Variants in SNX32 observed in about 807,000 individuals in gnomAD.
SNX32 encodes the protein sorting nexin 32, also known as sorting nexin-32.
SNX32 carries 58 observed loss-of-function variants against 57.0 expected under a neutral mutation model. The observed-to-expected ratio is 1.02, with a 90% CI of 0.82 to 1.27. The LOEUF (loss-of-function observed/expected upper bound fraction) is 1.27, where lower values mean the gene tolerates loss of function less well. SNX32 is among the 50% of genes most tolerant of loss of function. The pLI is 0.00. For synonymous variants in SNX32, 262 were observed against 220.4 expected, an observed-to-expected ratio of 1.19 and a Z score of -1.67; for missense variants, 589 against 541.2, an observed-to-expected ratio of 1.09 and a Z score of -0.88.
chr11:65,850,787 G>A lies in SNX32; in HGVS notation c.535G>A (p.Gly179Arg), dbSNP rs200684568. 1.1e-4 allele frequency: 173 copies of A among 1,614,108 alleles called. No homozygotes were observed. The East Asian group carries it at 3.3e-3, about 30-fold the overall frequency. ...GGGGAAGAACAGGAAGGAGCTCCTC[G>A]GAGGGTTTCTGAGGAATATTGTGAA... is the stretch of plus-strand genomic sequence containing the variant. ...VRGKNRKELL[G>R]GFLRNIVKSA... Residue 179 changes from glycine to arginine, a missense_variant, in exon 6 of 13, where the codon GGA (glycine) becomes AGA (arginine). By Grantham distance (125) the Gly-to-Arg change is moderately radical (BLOSUM62 -2). Coordinates refer to ENST00000308342, the MANE Select transcript of SNX32 (RefSeq NM_152760.3).
Position 65,851,581 on chromosome 11 carries a change from G to C in SNX32, c.786-59G>C, listed in dbSNP as rs111722827. 68 of 1,594,804 alleles carry C rather than the reference G, an allele frequency of 4.3e-5. 2 individuals are homozygous for C. In the African/African-American group the frequency reaches 6.8e-4, roughly 16 times the overall value. ...AGATTCCCAAGGAGAGGCTGAGACA[G>C]AGAGGCTTTGAGCTGTTCCTCAGCC... On this transcript the variant is annotated intron_variant, in intron 8 of 12. Transcript: ENST00000308342.
intron 2 of SNX32, 133 bp from the exon 3 acceptor site, chr11:65,849,787 A>G (rs1859109583): frequency 1.3e-6 from 1 of 792,774 alleles, no homozygotes; most frequent in Non-Finnish European, 2.0e-6. Flanking sequence ...TCTAAATGAA[A>G]TCATGCACAC....
intron 1 of SNX32, among the ~76,000 whole-genome samples, chr11:65,839,557 C>T (rs1257096540): frequency 1.3e-5 from 2 of 150,436 alleles, no homozygotes; most frequent in Non-Finnish European, 1.5e-5. Context: ...GTTGGCCAGG[C>T]TGGTCTTGAA....
chr11:65,853,224 A>G (rs1003940034), intron 12 of SNX32, 58 bp from the exon 13 acceptor site: 1 of 1,612,334 alleles, frequency 6.2e-7, no homozygotes, highest in African/African-American at 1.3e-5. Flanking sequence ...AGGTGCAGAA[A>G]GAATGGCAGC....
Position 65,850,774 on chromosome 11 carries a change from G to A in SNX32, c.522G>A (p.Arg174=), listed in dbSNP as rs1859158566. 1 of 1,614,138 alleles carries A rather than the reference G, an allele frequency of 6.2e-7. No homozygotes were observed. The highest frequency in any genetic ancestry group is 8.5e-7 in the Non-Finnish European group (1 of 1,180,012). The stretch of plus-strand genomic sequence containing the variant: ...AGCTGAGTGTCCGGGGGAAGAACAG[G>A]AAGGAGCTCCTCGGAGGGTTTCTGA... ...GQDLSVRGKN[R]KELLGGFLRN... is the part of the protein sequence containing the mutation. Residue 174 remains arginine (R), a synonymous_variant, in exon 6 of 13, where the codon AGG becomes AGA. Transcript: ENST00000308342.
At chr11:65,834,712 G>C (rs1427675071) in intron 1 of SNX32, among the ~76,000 whole-genome samples, 5 of 150,746 alleles carry the variant, frequency 3.3e-5, no homozygotes, top group Non-Finnish European at 7.4e-5. Flanking sequence ...GCAGGTCTGT[G>C]TCTCTTTGTG....
Position 65,850,749 on chromosome 11 carries a change from A to G in SNX32, c.499-2A>G. 2 of 1,613,814 alleles carry G rather than the reference A, an allele frequency of 1.2e-6. No individual in the cohort carries two copies. Among genetic ancestry groups the G allele is most frequent in the Non-Finnish European group, 1.7e-6 (2 of 1,179,794 alleles). On this transcript the variant is annotated splice_acceptor_variant, in intron 5 of 12. Coordinates refer to ENST00000308342, the MANE Select transcript of SNX32 (RefSeq NM_152760.3). LOFTEE classifies it high-confidence loss of function. Reference sequence around the variant, plus strand: ...GCATCATACCCTCCCTGTGTGCCTCAGCTGAGTGTCCGGGGGAAGAACAGG... The same window carrying G: ...GCATCATACCCTCCCTGTGTGCCTCGGCTGAGTGTCCGGGGGAAGAACAGG...
At chr11:65,852,432 G>A (rs762367878) in intron 9 of SNX32, 33 bp from the exon 10 acceptor site, 10 of 1,599,912 alleles carry the variant, frequency 6.3e-6, no homozygotes, top group East Asian at 4.5e-5. Context: ...CCTCTGACAA[G>A]CTCCCTTCCC....
intron 1 of SNX32, among the ~76,000 whole-genome samples, chr11:65,839,018 T>C (rs965825349): frequency 6.6e-6 from 1 of 151,396 alleles, no homozygotes; most frequent in African/African-American, 2.4e-5. Flanking sequence ...AAGCCTTGAG[T>C]ATATGACACT....
rs765692568 is a variant in SNX32 at position 65,850,826 on chromosome 11, GC to G, written c.577del (p.Leu193SerfsTer57). 1 of 1,614,016 alleles carries G rather than the reference GC, an allele frequency of 6.2e-7. No individual in the cohort carries two copies. The highest frequency in any genetic ancestry group is 1.1e-5 in the South Asian group (1 of 91,054). On this transcript the variant is annotated frameshift_variant, in exon 6 of 13. Coordinates refer to ENST00000308342, the MANE Select transcript of SNX32 (RefSeq NM_152760.3). LOFTEE classifies it high-confidence loss of function. ...GAATATTGTGAAGTCCGCGGATGAA[GC>G]CCTCATCACGGGCATGTCAGGGCTC... ...LRNIVKSADE[A>X]LITGMSGLKE...
chr11:65,853,457 C>A lies in SNX32; in HGVS notation c.*122C>A. The A allele has an allele frequency of 2.0e-6, 2 of 990,144 alleles. No individual in the cohort carries two copies. The highest frequency in any genetic ancestry group is 3.1e-6 in the Non-Finnish European group (2 of 637,926). The allele number at this position is 990,144 out of a possible 1,614,324, so 61.3% of individuals were successfully genotyped here. ...GCCACTAGCCACACCCTCACTCTGC[C>A]CCACATCCTCTCAGGGAAAGCCCAA... On this transcript the variant is annotated 3_prime_UTR_variant, in exon 13 of 13. Coordinates refer to ENST00000308342, the MANE Select transcript of SNX32 (RefSeq NM_152760.3).
At chr11:65,839,632 C>A (rs891970401) in intron 1 of SNX32, among the ~76,000 whole-genome samples, 2 of 70,494 alleles carry the variant, frequency 2.8e-5, no homozygotes, top group African/African-American at 9.5e-5. Context: ...GCATGAGCCA[C>A]CGCACACCGG....
intron 9 of SNX32, 82 bp from the exon 10 acceptor site, chr11:65,852,383 A>C (rs1022748938): frequency 1.6e-6 from 2 of 1,227,174 alleles, no homozygotes; most frequent in South Asian, 2.4e-5. Flanking sequence ...TCTTTGCTGG[A>C]TATTTAGATG....
At chr11:65,841,486 C>A (rs1459434957) in intron 1 of SNX32, among the ~76,000 whole-genome samples, 4 of 152,130 alleles carry the variant, frequency 2.6e-5, no homozygotes, top group Non-Finnish European at 5.9e-5. Context: ...GATTCTCCTG[C>A]CTCAGCCTTC....
intron 8 of SNX32, 103 bp from the exon 9 acceptor site, chr11:65,851,537 G>A: frequency 6.5e-7 from 1 of 1,533,876 alleles, no homozygotes; most frequent in Non-Finnish European, 9.0e-7. Flanking sequence ...GATGGTGTTG[G>A]GAAGGAAAGG....
In SNX32 at chr11:65,852,763, A is replaced by C; in HGVS notation, c.1046A>C (p.Glu349Ala). ...SHQQLCCQRF[E>A]RLSDSAKQEL... ...CAGCAGCTGTGCTGCCAACGCTTCG[A>C]GCGCCTCTCCGACTCCGCCAAGCAA... Residue 349 changes from glutamate to alanine, a missense_variant, in exon 11 of 13, where the codon GAG becomes GCG. By Grantham distance (107) the Glu-to-Ala change is moderately radical. Transcript: ENST00000308342. The C allele has an allele frequency of 1.2e-6, 2 of 1,608,514 alleles. No individual in the cohort carries two copies. Among genetic ancestry groups the C allele is most frequent in the Non-Finnish European group, 1.7e-6 (2 of 1,178,402 alleles).
At chr11:65,849,878 T>C in intron 2 of SNX32, 42 bp from the exon 3 acceptor site, 1 of 1,497,914 alleles carries the variant, frequency 6.7e-7, no homozygotes, top group South Asian at 1.3e-5. Flanking sequence ...GAGGCAGGGC[T>C]TGGGGCAGAG....
At position 65,844,085 on chromosome 11, in the gene SNX32, T is replaced by G. The variant is rs112454285; in HGVS notation, c.37-5393T>G. ...AATTCTGAGCTGTCACAGTGGTTTG[T>G]GCCCAGACTGATCTATATATTCGAT... On this transcript the variant is annotated intron_variant, in intron 1 of 12. Transcript: ENST00000308342. Among the ~76,000 whole-genome samples the G allele has an allele frequency of 2.8e-3, 432 of 152,322 alleles. 5 individuals are homozygous for G. The highest frequency in any genetic ancestry group is 0.01 in the African/African-American group (416 of 41,570).
intron 1 of SNX32, 119 bp downstream of exon 1, chr11:65,834,220 CTGTG>C: frequency 1.0e-6 from 1 of 976,748 alleles, no homozygotes; most frequent in South Asian, 1.6e-5. Context: ...CTGTGTGTTT[CTGTG>C]TGTGTCTGTG....
Sources: allele counts gnomAD v4.1 joint callset (sites outside exome capture counted in the v4.1 genomes callset), GRCh38; gene constraint gnomAD v4.1.1; transcripts MANE v1.5; gene names NCBI Gene and HGNC (gene_info 2026-07-23, HGNC 2026-07-21).